The following SRI variants were observed in gnomAD, a reference collection of about 807,000 sequenced individuals.
The protein encoded by SRI is 22 kDa protein.
Under a neutral mutation model 33.3 loss-of-function variants are expected in SRI, and 30 were observed. The observed-to-expected ratio is 0.90, with a 90% CI of 0.67 to 1.22. SRI has a LOEUF of 1.22. SRI is among the 50% of genes most tolerant of loss of function. The pLI, the probability that SRI is intolerant of heterozygous loss-of-function variation, is 0.00. For missense variants in SRI, 243 were observed against 250.8 expected (o/e 0.97, Z 0.21); for synonymous variants, 75 against 89.9 (o/e 0.83, Z 0.94).
intron 7 of SRI, among the ~76,000 whole-genome samples, 171 bp from the exon 8 acceptor site, chr7:88,206,675 C>G (rs1851445528): frequency 6.6e-6 from 1 of 152,114 alleles, no homozygotes; most frequent in Admixed American, 6.6e-5. Flanking sequence ...TTTAGGGAAG[C>G]AGTCTAATAT....
chr7:88,212,927 C>T (rs945586182), intron 3 of SRI, among the ~76,000 whole-genome samples: 13 of 152,156 alleles, frequency 8.5e-5, no homozygotes, highest in South Asian at 2.1e-4. Flanking sequence ...ACAACCACAG[C>T]GCAGAGCCAA....
At chr7:88,220,058 T>A (rs770480261), upstream of SRI, 35 of 1,514,108 alleles carry the variant, frequency 2.3e-5, no homozygotes, top group South Asian at 9.8e-5. Context: ...GCCCTCGCCC[T>A]GTGCGCCAGG....
At chr7:88,210,455 C>T in intron 4 of SRI, 1 of 414,922 alleles carries the variant, frequency 2.4e-6, no homozygotes, top group Non-Finnish European at 4.5e-6. Flanking sequence ...GCTGTTTGCC[C>T]TTCTGTCCTA....
At chr7:88,218,725 A>G in intron 2 of SRI, 134 bp downstream of exon 2, 1 of 762,872 alleles carries the variant, frequency 1.3e-6, no homozygotes, top group South Asian at 1.6e-5. Context: ...TAAAATAAGA[A>G]ACAACTTTTT....
upstream of SRI, among the ~76,000 whole-genome samples, chr7:88,221,405 A>G (rs145035151): frequency 4.6e-5 from 7 of 152,320 alleles, no homozygotes; most frequent in East Asian, 1.9e-4. Flanking sequence ...ACTGTTTTCA[A>G]TCATCAAGGT....
upstream of SRI, among the ~76,000 whole-genome samples, chr7:88,222,029 T>C (rs959249714): frequency 1.4e-5 from 2 of 141,590 alleles, no homozygotes; most frequent in African/African-American, 2.6e-5. Context: ...CATCATTTTT[T>C]ATGGCTGCAT....
Position 88,208,355 on chromosome 7 carries a change from T to C in SRI, c.570+152A>G, listed in dbSNP as rs115036380. ...AGTTAAGACTAATAAATGAAATTAA[T>C]AAATTCTGGATGATAACTCTTTCTA... is the stretch of plus-strand genomic sequence containing the variant. On this transcript the variant is annotated intron_variant, in intron 7 of 7. Transcript: ENST00000265729. The C allele has an allele frequency of 5.9e-4, 831 of 1,410,382 alleles. 4 individuals are homozygous for C. The African/African-American group carries it at 0.011, about 18-fold the overall frequency. 87.4% of individuals were successfully genotyped at this position (1,410,382 alleles called of 1,614,324 possible). A position where few individuals can be genotyped will look rare whatever the true frequency, so the allele number is the denominator to read the frequency against.
rs1851752897 is a variant in SRI at position 88,217,296 on chromosome 7, T to G, written c.136-105A>C. ...AACAACAAAGAAAATCAGTATCTTT[T>G]TTTTATTTAAAAGGAATGCCTTTTT... On this transcript the variant is annotated intron_variant, in intron 2 of 7. Transcript: ENST00000265729. 3 of 992,044 alleles carry G rather than the reference T, an allele frequency of 3.0e-6. No individual in the cohort carries two copies. In the African/African-American group the frequency reaches 4.9e-5, roughly 16 times the overall value. 61.5% of individuals were successfully genotyped at this position (992,044 alleles called of 1,614,324 possible). A position where few individuals can be genotyped will look rare whatever the true frequency, so the allele number is the denominator to read the frequency against.
intron 3 of SRI, 67 bp from the exon 4 acceptor site, chr7:88,210,992 T>C: frequency 8.5e-7 from 1 of 1,177,302 alleles, no homozygotes; most frequent in Non-Finnish European, 1.3e-6. Flanking sequence ...ACTGGATACA[T>C]TCAAATTAAT....
At chr7:88,223,684 C>G (rs972297272), upstream of SRI, among the ~76,000 whole-genome samples, 137 of 152,092 alleles carry the variant, frequency 9.0e-4, no homozygotes, top group African/African-American at 2.8e-3. Flanking sequence ...TTTTATTTTT[C>G]CAACCATTTA....
At chr7:88,221,279 G>A (rs1040347348), upstream of SRI, among the ~76,000 whole-genome samples, 1 of 152,084 alleles carries the variant, frequency 6.6e-6, no homozygotes, top group East Asian at 1.9e-4. Flanking sequence ...AACTTCCCTC[G>A]CAAGCCCTTT....
At chr7:88,209,259 A>T in intron 6 of SRI, 80 bp downstream of exon 6, 1 of 1,180,452 alleles carries the variant, frequency 8.5e-7, no homozygotes. Flanking sequence ...GAAGAATAAA[A>T]GTTGAGAAGC....
At chr7:88,206,723 G>T (rs181939953) in intron 7 of SRI, among the ~76,000 whole-genome samples, 2 of 152,204 alleles carry the variant, frequency 1.3e-5, no homozygotes, top group African/African-American at 4.8e-5. Context: ...ACTTCTTAGA[G>T]AAAGCAGATA....
chr7:88,226,819 G>T, intron 1 of SRI: 1 of 1,413,222 alleles, frequency 7.1e-7, no homozygotes, highest in Non-Finnish European at 9.8e-7. Flanking sequence ...GAACTACAAA[G>T]ATTAGGAACT....
At position 88,205,559 on chromosome 7, in the gene SRI, A is replaced by T. The variant is rs1392375767; in HGVS notation, c.*919T>A. The T allele has an allele frequency of 6.6e-6, 1 of 152,070 alleles. No individual in the cohort carries two copies. The highest frequency in any genetic ancestry group is 2.4e-5 in the African/African-American group (1 of 41,334). 9.4% of individuals were successfully genotyped at this position (152,070 alleles called of 1,614,324 possible). On this transcript the variant is annotated 3_prime_UTR_variant, in exon 8 of 8. Coordinates refer to ENST00000265729, the MANE Select transcript of SRI (RefSeq NM_003130.4). ...CTTACTGGAGAATGTTTGGAAAAGC[A>T]GTAAGAAGGAAGAAGATGAACTCAT...
At chr7:88,220,550 G>T (rs978724494), upstream of SRI, among the ~76,000 whole-genome samples, 1 of 152,170 alleles carries the variant, frequency 6.6e-6, no homozygotes, top group African/African-American at 2.4e-5. Context: ...AAGCGCCCTT[G>T]GAAAATAAGA....
chr7:88,219,556 GTTT>G, intron 1 of SRI: 1 of 191,554 alleles, frequency 5.2e-6, no homozygotes, highest in Non-Finnish European at 1.0e-5. Flanking sequence ...TTGTTTGTTT[GTTT>G]GTTTGTTTGT....
At chr7:88,207,580 A>G (rs1433768323) in intron 7 of SRI, 2 of 152,188 alleles carry the variant, frequency 1.3e-5, no homozygotes, top group African/African-American at 4.8e-5. Flanking sequence ...CAATCTCTCT[A>G]GCTTTGTTAT....
chr7:88,222,173 G>A (rs1275168307), upstream of SRI, among the ~76,000 whole-genome samples: 14 of 150,014 alleles, frequency 9.3e-5, no homozygotes, highest in Non-Finnish European at 1.3e-4. Context: ...CTTTATAGCA[G>A]CATGATTTAT....
Sources: gnomAD v4.1 joint callset for allele counts (sites outside exome capture counted in the v4.1 genomes callset) on GRCh38, gnomAD v4.1.1 for gene constraint, MANE v1.5 for transcripts, NCBI Gene and HGNC (gene_info 2026-07-23, HGNC 2026-07-21) for gene names.